Variants in EXTL3 observed in about 807,000 individuals in gnomAD.
EXTL3 encodes the protein exostosin like glycosyltransferase 3, also known as exostosin-like 3.
Under a neutral mutation model 69.3 loss-of-function variants are expected in EXTL3, and 27 were observed. The observed-to-expected ratio is 0.39, with a 90% CI of 0.29 to 0.54. The LOEUF (loss-of-function observed/expected upper bound fraction) is 0.54, where lower values mean the gene tolerates loss of function less well. Ranked by LOEUF, EXTL3 falls within the 20% of genes least tolerant of loss-of-function variation. The pLI is 0.69. For synonymous variants in EXTL3, 511 were observed against 499.4 expected (o/e 1.02, Z -0.31); for missense variants, 1,003 against 1,231.8 (o/e 0.81, Z 2.78).
At chr8:28,681,224 A>T (rs982872831) in intron 1 of EXTL3, among the ~76,000 whole-genome samples, 1 of 151,850 alleles carries the variant, frequency 6.6e-6, no homozygotes, top group African/African-American at 2.4e-5. Flanking sequence ...TTAAAAATTC[A>T]TGCATCCCAG....
At chr8:28,613,718 G>A (rs960633759) in intron 2 of EXTL3, among the ~76,000 whole-genome samples, 1 of 152,084 alleles carries the variant, frequency 6.6e-6, no homozygotes, top group Non-Finnish European at 1.5e-5. Flanking sequence ...CAAGGAATTG[G>A]TCCATTTTAT....
At chr8:28,748,368 CA>C (rs34255549) in intron 6 of EXTL3, among the ~76,000 whole-genome samples, 139 of 128,282 alleles carry the variant, frequency 1.1e-3, no homozygotes, top group Middle Eastern at 3.8e-3. Flanking sequence ...GAGACTGTCT[CA>C]AAAAAAAAAA....
rs1393612479 is a variant in EXTL3, at chr8:28,753,826, A to T, written c.*2960A>T. ...CTGCTCGCAGAAGACGATGGGAGGC[A>T]GCCTGACCAGGCCCTGGTGTGGGCT... is the stretch of plus-strand genomic sequence containing the variant. On this transcript the variant is annotated 3_prime_UTR_variant, in exon 7 of 7. Transcript: ENST00000220562. 2 of 152,356 alleles carry T rather than the reference A, an allele frequency of 1.3e-5. No individual in the cohort carries two copies. Among genetic ancestry groups the T allele is most frequent in the Non-Finnish European group, 2.9e-5 (2 of 68,072 alleles). The allele number at this position is 152,356 out of a possible 1,614,324, so 9.4% of individuals were successfully genotyped here.
At chr8:28,640,082 A>G (rs1200802252) in intron 1 of EXTL3, among the ~76,000 whole-genome samples, 1 of 152,198 alleles carries the variant, frequency 6.6e-6, no homozygotes, top group Non-Finnish European at 1.5e-5. Context: ...CCTGAGCAAC[A>G]CAGTAAGACT....
upstream of EXTL3, chr8:28,700,765 G>T (rs1262552655): frequency 1.3e-5 from 2 of 152,272 alleles, no homozygotes; most frequent in African/African-American, 4.8e-5. Context: ...ACCAGGTAGG[G>T]TGCTTGCTCC....
intron 1 of EXTL3, among the ~76,000 whole-genome samples, chr8:28,711,717 G>T (rs1801035037): frequency 6.6e-6 from 1 of 152,092 alleles, no homozygotes; most frequent in Non-Finnish European, 1.5e-5. Flanking sequence ...ATTTGTTAAT[G>T]GATTCATTAA....
intron 2 of EXTL3, among the ~76,000 whole-genome samples, chr8:28,616,617 A>G (rs1316470904): frequency 6.9e-6 from 1 of 144,646 alleles, no homozygotes; most frequent in Non-Finnish European, 1.5e-5. Context: ...ACAGAGCGAG[A>G]CTCCGTCTCA....
intron 1 of EXTL3, among the ~76,000 whole-genome samples, chr8:28,656,928 C>T (rs752265681): frequency 6.6e-6 from 1 of 151,616 alleles, no homozygotes; most frequent in African/African-American, 2.4e-5. Flanking sequence ...CTCTCTCTCT[C>T]TTACTTTTTT....
chr8:28,730,402 A>G (rs1158457754), intron 3 of EXTL3, among the ~76,000 whole-genome samples: 1 of 152,236 alleles, frequency 6.6e-6, no homozygotes. Context: ...GAGCCATCCA[A>G]GTACTGGCTG....
At position 28,752,978 on chromosome 8, in the gene EXTL3, C is replaced by T. The variant is rs1426380992; in HGVS notation, c.*2112C>T. On this transcript the variant is annotated 3_prime_UTR_variant, in exon 7 of 7. Coordinates refer to ENST00000220562, the MANE Select transcript of EXTL3 (RefSeq NM_001440.4). ...GCCGTCTGTGTGGTGGAGCCAGGGCCTCTCCCTTTAGTGGAGCCAGGTTGT... is the reference window on the plus strand; with the variant it reads ...GCCGTCTGTGTGGTGGAGCCAGGGCTTCTCCCTTTAGTGGAGCCAGGTTGT... The T allele has an allele frequency of 6.5e-6, 1 of 152,882 alleles. No individual in the cohort carries two copies. Among genetic ancestry groups the T allele is most frequent in the Non-Finnish European group, 1.5e-5 (1 of 68,218 alleles). 9.5% of individuals were successfully genotyped at this position (152,882 alleles called of 1,614,324 possible).
intron 1 of EXTL3, among the ~76,000 whole-genome samples, chr8:28,670,534 C>T (rs1563442598): frequency 6.6e-6 from 1 of 152,276 alleles, no homozygotes; most frequent in East Asian, 1.9e-4. Context: ...GCTGATGTGT[C>T]CGTGCAAGTC....
chr8:28,653,841 T>C (rs896757041), intron 1 of EXTL3, among the ~76,000 whole-genome samples: 4 of 152,202 alleles, frequency 2.6e-5, no homozygotes, highest in African/African-American at 9.6e-5. Context: ...TTTGTTTTTC[T>C]TTTTCAAGAT....
intron 1 of EXTL3, among the ~76,000 whole-genome samples, chr8:28,660,515 C>T (rs192397342): frequency 5.3e-5 from 8 of 152,118 alleles, no homozygotes; most frequent in African/African-American, 1.7e-4. Flanking sequence ...TATACACATA[C>T]ACACACTCCC....
intron 1 of EXTL3, among the ~76,000 whole-genome samples, chr8:28,677,161 G>A (rs1807400649): frequency 6.6e-6 from 1 of 152,112 alleles, no homozygotes; most frequent in Non-Finnish European, 1.5e-5. Context: ...ATGCATGGAA[G>A]GGATTAGAGG....
At chr8:28,709,301 C>T (rs915630702) in intron 1 of EXTL3, among the ~76,000 whole-genome samples, 1 of 152,150 alleles carries the variant, frequency 6.6e-6, no homozygotes, top group Non-Finnish European at 1.5e-5. Context: ...TTTAACCCGG[C>T]ATACAGTAAG....
chr8:28,678,423 T>A (rs1004288973), intron 1 of EXTL3, among the ~76,000 whole-genome samples: 1 of 152,132 alleles, frequency 6.6e-6, no homozygotes, highest in Non-Finnish European at 1.5e-5. Flanking sequence ...AATAGATTAA[T>A]GGTAGAAGGA....
In EXTL3 at chr8:28,608,184, C is replaced by G. The variant is rs191486650; in HGVS notation, n.314+426C>G. 3.4e-4 allele frequency among the ~76,000 whole-genome samples: 51 copies of G among 152,034 alleles called. 1 individual carries two copies. The East Asian group carries it at 7.0e-3, about 21-fold the overall frequency. ...CATTACTGAAACACACAGAGAACTT[C>G]CCTTTGCAGCGATCTCTTAGGGGAG... On this transcript the variant is annotated intron_variant and non_coding_transcript_variant, in intron 2 of 4. Coordinates refer to the EXTL3 transcript ENST00000522725.
intron 1 of EXTL3, among the ~76,000 whole-genome samples, chr8:28,635,576 T>C (rs968895411): frequency 4.0e-5 from 6 of 148,898 alleles, no homozygotes; most frequent in Non-Finnish European, 8.9e-5. Flanking sequence ...CCAGGCATAG[T>C]GGCGGGTGCC....
In EXTL3 at chr8:28,717,625, T is replaced by C. The variant is rs371346996; in HGVS notation, c.1566T>C (p.Thr522=). The C allele has an allele frequency of 2.8e-5, 45 of 1,614,134 alleles. No individual in the cohort carries two copies. Among genetic ancestry groups the C allele is most frequent in the Non-Finnish European group, 3.7e-5 (44 of 1,180,056 alleles). The change falls in exon 3 of 7, where the codon ACT becomes ACC. Residue 522 remains threonine, a synonymous_variant. Coordinates refer to ENST00000220562, the MANE Select transcript of EXTL3 (RefSeq NM_001440.4). The surrounding 1 kb of genome is among the most constrained non-coding windows in gnomAD (Gnocchi z 8.3). ...TTCTCTGGGAGACTTACTTCTCCACTGCTGACAGTATTTTTAATACCGTGC... is the reference window on the plus strand; with the variant it reads ...TTCTCTGGGAGACTTACTTCTCCACCGCTGACAGTATTTTTAATACCGTGC... ...GRFLWETYFS[T]ADSIFNTVLA...
Sources: allele counts gnomAD v4.1 joint callset (sites outside exome capture counted in the v4.1 genomes callset), GRCh38; gene constraint gnomAD v4.1.1; non-coding constraint Gnocchi (gnomAD v3.1); transcripts MANE v1.5; gene names NCBI Gene and HGNC (gene_info 2026-07-23, HGNC 2026-07-21).